RSRC1: variants seen among roughly 807,000 people sequenced by gnomAD.
RSRC1 encodes the protein arginine and serine rich coiled-coil 1, also known as serine/Arginine-related protein 53.
RSRC1 carries 39 observed loss-of-function variants against 49.1 expected under a neutral mutation model. The observed-to-expected ratio is 0.79, with a 90% CI of 0.61 to 1.04. The LOEUF (loss-of-function observed/expected upper bound fraction) is 1.04. Among genes scored for constraint, RSRC1 ranks in the 50% least tolerant of loss-of-function variants. The pLI is 0.00. For synonymous variants in RSRC1, 143 were observed against 130.8 expected (o/e 1.09, Z -0.63); for missense variants, 388 against 402.4 (o/e 0.96, Z 0.31).
chr3:158,369,693 T>C (rs571212170), intron 6 of RSRC1, among the ~76,000 whole-genome samples: 40 of 152,268 alleles, frequency 2.6e-4, no homozygotes, highest in African/African-American at 9.6e-4. Context: ...ATTTTTGTAA[T>C]GTTTATTCAG....
intron 5 of RSRC1, among the ~76,000 whole-genome samples, chr3:158,340,555 AAAAG>A (rs926767690): frequency 6.6e-6 from 1 of 152,184 alleles, no homozygotes; most frequent in African/African-American, 2.4e-5. Flanking sequence ...AAAGAAAAAG[AAAAG>A]AAAGACAAAA....
intron 6 of RSRC1, among the ~76,000 whole-genome samples, chr3:158,406,496 A>G (rs1158213496): frequency 6.6e-6 from 1 of 152,154 alleles, no homozygotes; most frequent in Middle Eastern, 3.2e-3. Flanking sequence ...AAAATAATAC[A>G]TTAAGAAAAT....
rs542425365 is a variant in RSRC1 at position 158,270,279 on chromosome 3, G to A, written c.495-27760G>A. On this transcript the variant is annotated intron_variant, in intron 4 of 9. Coordinates refer to ENST00000611884, the MANE Select transcript of RSRC1 (RefSeq NM_001271838.2). ...TAATAAGGGAAGGAGGCTGCAGCAGGGCAGCTTGAAGTTGAAAGATCAAAC... is the reference window on the plus strand; with the variant it reads ...TAATAAGGGAAGGAGGCTGCAGCAGAGCAGCTTGAAGTTGAAAGATCAAAC... 5.3e-5 allele frequency among the ~76,000 whole-genome samples: 8 copies of A among 152,212 alleles called. No homozygotes were observed. The South Asian group carries it at 1.7e-3, about 32-fold the overall frequency.
At chr3:158,236,866 A>G (rs1181452899) in intron 4 of RSRC1, among the ~76,000 whole-genome samples, 2 of 152,202 alleles carry the variant, frequency 1.3e-5, no homozygotes, top group African/African-American at 2.4e-5. Context: ...TTGTTTCTCC[A>G]GAAAGTTCAT....
rs2108444912 is a variant in RSRC1, at chr3:158,488,607, G to A, written c.652+27604G>A. 2.0e-5 allele frequency among the ~76,000 whole-genome samples: 3 copies of A among 152,208 alleles called. No homozygotes were observed. In the Middle Eastern group the frequency reaches 0.01, roughly 518 times the overall value. ...TATAAAGATGTTGTTAGAAACTTTA[G>A]AAACTCTAGCAAAGGGTCCATTAAA... is the stretch of plus-strand genomic sequence containing the variant. On this transcript the variant is annotated intron_variant, in intron 7 of 9. Transcript: ENST00000611884.
At chr3:158,388,810 C>T (rs1160705237) in intron 6 of RSRC1, among the ~76,000 whole-genome samples, 5 of 151,988 alleles carry the variant, frequency 3.3e-5, no homozygotes, top group Non-Finnish European at 5.9e-5. Flanking sequence ...GGGGTTTCAC[C>T]GTGTTGGCCA....
At chr3:158,286,791 A>G (rs1726589698) in intron 4 of RSRC1, among the ~76,000 whole-genome samples, 1 of 152,248 alleles carries the variant, frequency 6.6e-6, no homozygotes, top group South Asian at 2.1e-4. Context: ...GAAAACTTGG[A>G]TAATCAATTT....
chr3:158,451,263 A>G (rs896689003), intron 6 of RSRC1, among the ~76,000 whole-genome samples: 1 of 152,018 alleles, frequency 6.6e-6, no homozygotes, highest in African/African-American at 2.4e-5. Context: ...AAAAATAACA[A>G]AAAGTACTGA....
intron 4 of RSRC1, among the ~76,000 whole-genome samples, chr3:158,243,211 G>A (rs114495116): frequency 0.011 from 1,666 of 152,170 alleles, 16 homozygotes; most frequent in South Asian, 0.03. Context: ...AATCTACCTT[G>A]GGATGATTTT....
intron 4 of RSRC1, among the ~76,000 whole-genome samples, chr3:158,275,566 G>A (rs1347935991): frequency 6.6e-6 from 1 of 152,140 alleles, no homozygotes; most frequent in African/African-American, 2.4e-5. Context: ...ATACTACACA[G>A]TATGTCTTAT....
chr3:158,519,203 A>C lies in RSRC1; in HGVS notation c.653-17889A>C, dbSNP rs188462839. ...TTCCACAAATTTTTGTTAATTCTACATCCCAAATATCTTTATCTCCTGTGC... is the reference window on the plus strand; with the variant it reads ...TTCCACAAATTTTTGTTAATTCTACCTCCCAAATATCTTTATCTCCTGTGC... On this transcript the variant is annotated intron_variant, in intron 7 of 9. Coordinates refer to ENST00000611884, the MANE Select transcript of RSRC1 (RefSeq NM_001271838.2). Among the ~76,000 whole-genome samples the C allele has an allele frequency of 1.2e-3, 178 of 152,200 alleles. 1 individual carries two copies. Among genetic ancestry groups the C allele is most frequent in the Admixed American group, 2.9e-3 (45 of 15,270 alleles).
chr3:158,508,397 A>G (rs890597132), intron 7 of RSRC1, among the ~76,000 whole-genome samples: 2 of 150,884 alleles, frequency 1.3e-5, no homozygotes, highest in African/African-American at 2.4e-5. Context: ...CCCTCTCTCT[A>G]TATCTATTTC....
chr3:158,463,592 A>G (rs58896161), intron 7 of RSRC1, among the ~76,000 whole-genome samples: 12,317 of 152,170 alleles, frequency 0.081, 554 homozygotes, highest in South Asian at 0.14. Flanking sequence ...GAAAATGTAG[A>G]TAAATGTTGT....
At chr3:158,319,794 T>C (rs529137239) in intron 5 of RSRC1, among the ~76,000 whole-genome samples, 1 of 152,302 alleles carries the variant, frequency 6.6e-6, no homozygotes, top group East Asian at 1.9e-4. Context: ...AAATTTCTCT[T>C]CCCGTATGAT....
At chr3:158,462,299 CAT>C (rs1197050176) in intron 7 of RSRC1, among the ~76,000 whole-genome samples, 1 of 151,880 alleles carries the variant, frequency 6.6e-6, no homozygotes, top group Non-Finnish European at 1.5e-5. Context: ...TACAAACAGA[CAT>C]AAGACTAAAT....
chr3:158,290,057 GAT>G (rs1726832886), intron 4 of RSRC1, among the ~76,000 whole-genome samples: 1 of 148,184 alleles, frequency 6.7e-6, no homozygotes. Flanking sequence ...ATTATATGAA[GAT>G]TTTTTTTTTT....
At chr3:158,260,033 G>T (rs1724800109) in intron 4 of RSRC1, among the ~76,000 whole-genome samples, 1 of 152,104 alleles carries the variant, frequency 6.6e-6, no homozygotes, top group African/African-American at 2.4e-5. Flanking sequence ...TCAAGGCCTG[G>T]AATTGAGGAC....
In RSRC1 at chr3:158,451,168, A is replaced by G. The variant is rs1457075599; in HGVS notation, c.584-9767A>G. 2.0e-5 allele frequency among the ~76,000 whole-genome samples: 3 copies of G among 151,856 alleles called. No individual in the cohort carries two copies. In the East Asian group the frequency reaches 5.8e-4, roughly 29 times the overall value. On this transcript the variant is annotated intron_variant, in intron 6 of 9. Transcript: ENST00000611884. ...TATTTCTTCTTATATAACTAAGTTCATCTCCTTTTTCCTTTTAGTTGCTGA... is the reference window on the plus strand; with the variant it reads ...TATTTCTTCTTATATAACTAAGTTCGTCTCCTTTTTCCTTTTAGTTGCTGA...
chr3:158,215,498 A>G (rs1721902416), intron 4 of RSRC1, among the ~76,000 whole-genome samples: 1 of 151,584 alleles, frequency 6.6e-6, no homozygotes, highest in African/African-American at 2.4e-5. Context: ...AATTATGGAT[A>G]TGTTTGGATT....
Sources: allele counts gnomAD v4.1 joint callset (sites outside exome capture counted in the v4.1 genomes callset), GRCh38; gene constraint gnomAD v4.1.1; transcripts MANE v1.5; gene names NCBI Gene and HGNC (gene_info 2026-07-23, HGNC 2026-07-21).